ERICH3: variants seen among roughly 807,000 people sequenced by gnomAD.
ERICH3 encodes glutamate rich 3, also known as glutamate-rich protein 3.
In ERICH3, 126 loss-of-function variants were observed where a neutral mutation model predicts 131.1. The ratio of observed to expected loss-of-function variants is 0.96; its 90% CI spans 0.83 to 1.11. The LOEUF is 1.11. Ranked by LOEUF, ERICH3 falls within the 50% of genes most tolerant of loss-of-function variation. The probability of loss-of-function intolerance (pLI) is 0.00; values close to 1 mark genes in which losing one functional copy is unlikely to be tolerated. For missense variants in ERICH3, 2,050 were observed against 1,810.7 expected, an observed-to-expected ratio of 1.13 and a Z score of -2.40; for synonymous variants, 695 against 644.6, an observed-to-expected ratio of 1.08 and a Z score of -1.18.
chr1:74,575,870 C>G (rs902190818), intron 13 of ERICH3, among the ~76,000 whole-genome samples: 9 of 152,110 alleles, frequency 5.9e-5, no homozygotes, highest in African/African-American at 2.2e-4. Context: ...GTTCCTCAAG[C>G]AAGGGAGAAA....
At chr1:74,585,693 C>CACATTCT (rs1647294193) in intron 12 of ERICH3, among the ~76,000 whole-genome samples, 1 of 152,064 alleles carries the variant, frequency 6.6e-6, no homozygotes, top group African/African-American at 2.4e-5. Context: ...TGGTCATTTA[C>CACATTCT]ACATTCTCTC....
At chr1:74,651,976 A>C (rs890600023) in intron 1 of ERICH3, among the ~76,000 whole-genome samples, 1 of 152,148 alleles carries the variant, frequency 6.6e-6, no homozygotes, top group African/African-American at 2.4e-5. Context: ...CAAATCGTCA[A>C]GCAGGTCCAG....
At chr1:74,615,083 G>C (rs1648898233) in intron 8 of ERICH3, 1 of 152,194 alleles carries the variant, frequency 6.6e-6, no homozygotes, top group Admixed American at 6.5e-5. Context: ...TGCTCATGTA[G>C]CTGGAGAGTA....
intron 5 of ERICH3, among the ~76,000 whole-genome samples, chr1:74,640,257 T>C (rs1382266471): frequency 6.6e-6 from 1 of 152,172 alleles, no homozygotes; most frequent in African/African-American, 2.4e-5. Context: ...GGTTAAGCTT[T>C]TGAGAGTCTA....
At chr1:74,662,260 CCTCA>C (rs372469969) in intron 1 of ERICH3, among the ~76,000 whole-genome samples, 58 of 152,148 alleles carry the variant, frequency 3.8e-4, no homozygotes, top group African/African-American at 1.4e-3. Context: ...CTGAGGCCAG[CCTCA>C]CTCACTCCCT....
intron 1 of ERICH3, among the ~76,000 whole-genome samples, chr1:74,650,488 C>T (rs1234516300): frequency 6.6e-6 from 1 of 152,082 alleles, no homozygotes; most frequent in Non-Finnish European, 1.5e-5. Context: ...ATACAGTAGT[C>T]CTCCCTTATC....
intron 11 of ERICH3, among the ~76,000 whole-genome samples, chr1:74,597,170 A>G (rs1416874121): frequency 2.6e-5 from 4 of 152,100 alleles, no homozygotes; most frequent in African/African-American, 9.7e-5. Context: ...TGTCATTATC[A>G]TTTTTAATAC....
At chr1:74,620,617 T>A in intron 8 of ERICH3, 117 bp downstream of exon 8, 1 of 860,170 alleles carries the variant, frequency 1.2e-6, no homozygotes. Context: ...GGTTTATAAG[T>A]CCCTGGATAT....
In ERICH3 at chr1:74,571,082, A is replaced by G. The variant is rs1175751410; in HGVS notation, c.*18+17T>C. ...GGCTGCTATTTAGTCCTACAAAGAC[A>G]TTACGCTTAAACTCACTGTCTGCCA... On this transcript the variant is annotated intron_variant, in intron 14 of 14. Coordinates refer to ENST00000326665, the MANE Select transcript of ERICH3 (RefSeq NM_001002912.5). 3 of 1,589,266 alleles carry G rather than the reference A, an allele frequency of 1.9e-6. No homozygotes were observed. The highest frequency in any genetic ancestry group is 2.7e-5 in the African/African-American group (2 of 74,676).
At chr1:74,628,604 G>A (rs770505290) in intron 7 of ERICH3, among the ~76,000 whole-genome samples, 1 of 151,906 alleles carries the variant, frequency 6.6e-6, no homozygotes, top group Non-Finnish European at 1.5e-5. Context: ...AGTTTGGGGG[G>A]AGTCAAAGTT....
intron 12 of ERICH3, chr1:74,578,069 G>A (rs1027936030): frequency 3.9e-5 from 6 of 152,180 alleles, no homozygotes; most frequent in Non-Finnish European, 7.3e-5. Flanking sequence ...TAGACTTCAG[G>A]ATCACAGAGA....
intron 1 of ERICH3, among the ~76,000 whole-genome samples, chr1:74,670,727 G>A (rs1041392953): frequency 6.6e-5 from 10 of 152,150 alleles, no homozygotes; most frequent in Middle Eastern, 3.2e-3. Context: ...CAGAATAACA[G>A]CGATTTTTAG....
Position 74,589,859 on chromosome 1 carries a change from T to C in ERICH3, c.1948A>G (p.Thr650Ala), listed in dbSNP as rs867948572. ...LEIEIEDQEITKADVETKPMP... is the reference protein window; with the variant it reads ...LEIEIEDQEIAKADVETKPMP... ...GGCTTGGTCTCCACATCTGCTTTTG[T>C]TATTTCTTGGTCTTCAATTTCAATT... Residue 650 changes from threonine to alanine, a missense_variant, in exon 12 of 15, where the codon ACA (threonine) becomes GCA (alanine). Coordinates refer to ENST00000326665, the MANE Select transcript of ERICH3 (RefSeq NM_001002912.5). 6.2e-7 allele frequency: 1 copy of C among 1,614,108 alleles called. No individual in the cohort carries two copies. Among genetic ancestry groups the C allele is most frequent in the African/African-American group, 1.3e-5 (1 of 75,046 alleles).
Position 74,591,380 on chromosome 1 carries a change from A to G in ERICH3, c.1727-1300T>C, listed in dbSNP as rs531396142. On this transcript the variant is annotated intron_variant, in intron 11 of 14. Coordinates refer to ENST00000326665, the MANE Select transcript of ERICH3 (RefSeq NM_001002912.5). ...TGTAAGCTATATTAGGATGTAATTT[A>G]TATTAGGCAGGAGCTGGGCTTTCAT... Among the ~76,000 whole-genome samples, 32 of 152,292 alleles carry G rather than the reference A, an allele frequency of 2.1e-4. No homozygotes were observed. The East Asian group carries it at 5.6e-3, about 27-fold the overall frequency.
intron 12 of ERICH3, chr1:74,577,259 G>T: frequency 5.2e-6 from 1 of 191,400 alleles, no homozygotes; most frequent in Middle Eastern, 1.9e-3. Flanking sequence ...AAAAAAAAGT[G>T]GCAGAAGGAA....
intron 7 of ERICH3, chr1:74,623,951 CA>C (rs1383285303): frequency 1.3e-5 from 2 of 152,172 alleles, no homozygotes; most frequent in Non-Finnish European, 2.9e-5. Flanking sequence ...CTGTATGAGT[CA>C]CATGATATTG....
intron 10 of ERICH3, among the ~76,000 whole-genome samples, chr1:74,605,899 T>C (rs185531777): frequency 1.3e-5 from 2 of 151,838 alleles, no homozygotes; most frequent in Non-Finnish European, 2.9e-5. Context: ...AAACTTTTAA[T>C]TTATAAAAAG....
chr1:74,601,973 A>T (rs1648155687), intron 10 of ERICH3, among the ~76,000 whole-genome samples: 1 of 151,912 alleles, frequency 6.6e-6, no homozygotes, highest in Non-Finnish European at 1.5e-5. Context: ...AATATTATGG[A>T]TTAGTAGTAA....
At chr1:74,670,329 G>A (rs957244141) in intron 1 of ERICH3, among the ~76,000 whole-genome samples, 27 of 152,000 alleles carry the variant, frequency 1.8e-4, no homozygotes, top group African/African-American at 6.0e-4. Context: ...TTGACCATGT[G>A]AGGCAACATA....
Sources: allele counts gnomAD v4.1 joint callset (sites outside exome capture counted in the v4.1 genomes callset), GRCh38; gene constraint gnomAD v4.1.1; transcripts MANE v1.5; gene names NCBI Gene and HGNC (gene_info 2026-07-23, HGNC 2026-07-21).